The following AP3M2 variants were observed in gnomAD, a reference collection of about 807,000 sequenced individuals.
The protein encoded by AP3M2 is AP-3 complex subunit mu-2.
A neutral mutation model predicts 41.6 loss-of-function variants in AP3M2; 28 were observed. That is an observed-to-expected ratio of 0.67 (90% CI 0.50 to 0.92). The LOEUF (loss-of-function observed/expected upper bound fraction) is 0.92. Ranked by LOEUF, AP3M2 falls within the 40% of genes least tolerant of loss-of-function variation. AP3M2 has a pLI of 0.00. For missense variants in AP3M2, 427 were observed against 521.4 expected (o/e 0.82, Z 1.76); for synonymous variants, 193 against 186.4 (o/e 1.04, Z -0.29).
intron 4 of AP3M2, among the ~76,000 whole-genome samples, chr8:42,164,249 ATGG>A (rs1804581100): frequency 2.0e-5 from 3 of 152,194 alleles, no homozygotes; most frequent in African/African-American, 7.2e-5. Flanking sequence ...AGCAGGATAG[ATGG>A]TGCCATCACA....
At chr8:42,162,756 G>A (rs908453308) in intron 4 of AP3M2, among the ~76,000 whole-genome samples, 29 of 151,876 alleles carry the variant, frequency 1.9e-4, no homozygotes, top group African/African-American at 6.8e-4. Context: ...ACCAGCCTGA[G>A]CAACATAGTG....
chr8:42,166,757 A>G (rs1432830985), intron 6 of AP3M2, among the ~76,000 whole-genome samples: 1 of 151,828 alleles, frequency 6.6e-6, no homozygotes, highest in Non-Finnish European at 1.5e-5. Flanking sequence ...ACCGAGCCAG[A>G]CCCTATCTCA....
Position 42,168,989 on chromosome 8 carries a change from T to G in AP3M2, c.1185T>G (p.Tyr395Ter). Residue 395 changes from tyrosine (Y) to a stop codon, truncating the protein, a stop_gained, in exon 9 of 9, where the codon TAT (tyrosine) becomes TAG (stop). Coordinates refer to ENST00000396926, the MANE Select transcript of AP3M2 (RefSeq NM_006803.4). LOFTEE classifies it high-confidence loss of function. ...TCAAGGTGAATCGTCTGGATATGTA[T>G]GGAGAAAAGTACAAACCCTTTAAGG... The part of the protein sequence containing the change: ...SGLKVNRLDM[Y>*]GEKYKPFKGI... The G allele has an allele frequency of 6.2e-7, 1 of 1,609,588 alleles. No homozygotes were observed. Among genetic ancestry groups the G allele is most frequent in the Non-Finnish European group, 8.5e-7 (1 of 1,178,252 alleles).
At chr8:42,163,160 G>T (rs1459973320) in intron 4 of AP3M2, among the ~76,000 whole-genome samples, 1 of 151,978 alleles carries the variant, frequency 6.6e-6, no homozygotes, top group Non-Finnish European at 1.5e-5. Flanking sequence ...GATGGTATGA[G>T]CCTATAGTCC....
At chr8:42,167,952 TTTTCTGGCATG>T in intron 8 of AP3M2, 142 bp downstream of exon 8, 1 of 1,142,674 alleles carries the variant, frequency 8.8e-7, no homozygotes, top group Non-Finnish European at 1.2e-6. Context: ...TAGTAACATC[TTTTCTGGCATG>T]TTTCTGGGGA....
intron 4 of AP3M2, 130 bp from the exon 5 acceptor site, chr8:42,164,937 GGAGA>G (rs760436898): frequency 2.5e-5 from 17 of 680,374 alleles, no homozygotes; most frequent in Non-Finnish European, 4.1e-5. Context: ...GGAAAGAAAG[GGAGA>G]GAGAGGAAGG....
rs145562770 is a variant in AP3M2, at chr8:42,158,059, A to C, written c.392A>C (p.Lys131Thr). 2.5e-6 allele frequency: 4 copies of C among 1,613,926 alleles called. No individual in the cohort carries two copies. The highest frequency in any genetic ancestry group is 3.4e-6 in the Non-Finnish European group (4 of 1,179,994). ...TTGGCTACCGAGTCGAACATTCTTA[A>C]AGAACTCATAAAGCCTCCTACCATC... ...FPLATESNIL[K>T]ELIKPPTILR... is the part of the protein sequence containing the mutation. Residue 131 changes from lysine to threonine, a missense_variant, in exon 3 of 9, where the codon AAA (lysine) becomes ACA (threonine). By Grantham distance (78) the Lys-to-Thr change is moderately conservative. This residue lies in a region of AP3M2 where 86 missense variants were observed against 142.6 expected (regional missense o/e 0.60). Coordinates refer to ENST00000396926, the MANE Select transcript of AP3M2 (RefSeq NM_006803.4).
Position 42,161,939 on chromosome 8 carries a change from C to T in AP3M2, c.446-342C>T, listed in dbSNP as rs116994814. The T allele has an allele frequency of 7.8e-3, 1,304 of 167,460 alleles. 23 individuals are homozygous for T. The highest frequency in any genetic ancestry group is 0.052 in the South Asian group (274 of 5,308). 10.4% of individuals were successfully genotyped at this position (167,460 alleles called of 1,614,324 possible). A position where few individuals can be genotyped will look rare whatever the true frequency, so the allele number is the denominator to read the frequency against. On this transcript the variant is annotated intron_variant, in intron 3 of 8. Coordinates refer to ENST00000396926, the MANE Select transcript of AP3M2 (RefSeq NM_006803.4). Reference sequence around the variant, plus strand: ...GTTTTTACCCATGAAATTTTTATATCAATATGTAGATTACGAACTCTACTG... The same window carrying T: ...GTTTTTACCCATGAAATTTTTATATTAATATGTAGATTACGAACTCTACTG...
Position 42,169,203 on chromosome 8 carries a change from A to G in AP3M2, c.*142A>G. On this transcript the variant is annotated 3_prime_UTR_variant, in exon 9 of 9. Transcript: ENST00000396926. ...CCTTTTTTCCTTAGCCTTCAGTGCC[A>G]TGGAACTAATCAAGGGAGGAAAAGG... The G allele has an allele frequency of 1.7e-6, 1 of 603,490 alleles. No individual in the cohort carries two copies. The highest frequency in any genetic ancestry group is 3.1e-5 in the East Asian group (1 of 32,222). 37.4% of individuals were successfully genotyped at this position (603,490 alleles called of 1,614,324 possible).
chr8:42,165,805 A>G, intron 6 of AP3M2: 1 of 410,636 alleles, frequency 2.4e-6, no homozygotes, highest in Non-Finnish European at 4.3e-6. Context: ...AATAGTGCTT[A>G]ACACAAAGAA....
In AP3M2 at chr8:42,162,351, G is replaced by A; in HGVS notation, c.516G>A (p.Val172=). Residue 172 remains valine, a synonymous_variant, in exon 4 of 9, where the codon GTG becomes GTA. Coordinates refer to ENST00000396926, the MANE Select transcript of AP3M2 (RefSeq NM_006803.4). The part of the protein sequence containing the change: ...LSVVPWRRTG[V]KYTNNEAYFD... The stretch of plus-strand genomic sequence containing the variant: ...TGGTGCCTTGGCGACGGACTGGGGT[G>A]AAATATACCAACAATGAGGCCTATT... 6.2e-7 allele frequency: 1 copy of A among 1,613,834 alleles called. No individual in the cohort carries two copies. The highest frequency in any genetic ancestry group is 8.5e-7 in the Non-Finnish European group (1 of 1,179,852).
Position 42,167,254 on chromosome 8 carries a change from G to C in AP3M2, c.894G>C (p.Lys298Asn), listed in dbSNP as rs1163683500. The stretch of plus-strand genomic sequence containing the variant: ...GCTTTGAAATAACGGTGGGACCCAA[G>C]CAGACGATGGGGAAGACCATTGAGG... ...LGRFEITVGPKQTMGKTIEGV... is the reference protein window; with the variant it reads ...LGRFEITVGPNQTMGKTIEGV... The change falls in exon 7 of 9, where the codon AAG becomes AAC. Residue 298 changes from lysine to asparagine, a missense_variant. By Grantham distance (94) the Lys-to-Asn change is moderately conservative. This residue lies in a region of AP3M2 where 237 missense variants were observed against 284.9 expected (regional missense o/e 0.83). Coordinates refer to ENST00000396926, the MANE Select transcript of AP3M2 (RefSeq NM_006803.4). The C allele has an allele frequency of 1.2e-6, 2 of 1,614,132 alleles. No homozygotes were observed. Among genetic ancestry groups the C allele is most frequent in the South Asian group, 2.2e-5 (2 of 91,076 alleles).
chr8:42,168,933 C>A (rs746037427), intron 8 of AP3M2, 28 bp from the exon 9 acceptor site: 97 of 1,535,160 alleles, frequency 6.3e-5, no homozygotes, highest in Non-Finnish European at 8.2e-5. Flanking sequence ...ATACTCATGT[C>A]TATTTTCCCT....
Position 42,169,927 on chromosome 8 carries a change from T to A in AP3M2, c.*866T>A, listed in dbSNP as rs920479852. 2.0e-5 allele frequency: 3 copies of A among 152,234 alleles called. No individual in the cohort carries two copies. Among genetic ancestry groups the A allele is most frequent in the Admixed American group, 1.3e-4 (2 of 15,286 alleles). 9.4% of individuals were successfully genotyped at this position (152,234 alleles called of 1,614,324 possible). ...CTTTTACAGAATTCACCGGCCATTTTCCTGTTACCTGATCCTTCTACAGGA... is the reference window on the plus strand; with the variant it reads ...CTTTTACAGAATTCACCGGCCATTTACCTGTTACCTGATCCTTCTACAGGA... On this transcript the variant is annotated 3_prime_UTR_variant, in exon 9 of 9. Transcript: ENST00000396926.
intron 3 of AP3M2, 123 bp from the exon 4 acceptor site, chr8:42,162,155 ATCT>A (rs1259767038): frequency 2.6e-5 from 25 of 950,190 alleles, no homozygotes; most frequent in Non-Finnish European, 3.6e-5. Flanking sequence ...GAAAAACCTC[ATCT>A]TCTGTTTGAA....
rs200841873 is a variant in AP3M2, at chr8:42,162,413, A to C, written c.578A>C (p.Lys193Thr). 2 of 1,604,832 alleles carry C rather than the reference A, an allele frequency of 1.2e-6. No homozygotes were observed. Among genetic ancestry groups the C allele is most frequent in the East Asian group, 4.5e-5 (2 of 44,522 alleles). Residue 193 changes from lysine (K) to threonine (T), a missense_variant, in exon 4 of 9, where the codon AAA becomes ACA. Physicochemically the swap from Lys to Thr is moderately conservative, Grantham distance 78. Transcript: ENST00000396926. ...GAAGAGATTGATGCAATTATTGATA[A>C]ATCAGGTAGGTGCTTTTAATATGTT... ...VIEEIDAIIDKSGSTITAEIQ... is the reference protein window; with the variant it reads ...VIEEIDAIIDTSGSTITAEIQ...
At position 42,169,080 on chromosome 8, in the gene AP3M2, G is replaced by C. The variant is rs373083352; in HGVS notation, c.*19G>C. 270 of 1,563,752 alleles carry C rather than the reference G, an allele frequency of 1.7e-4. No homozygotes were observed. Among genetic ancestry groups the C allele is most frequent in the Non-Finnish European group, 2.2e-4 (249 of 1,143,650 alleles). ...AACCTGAAGGGAGCATTTGCTGAGG[G>C]AATAGTCTTGCACATTTTTTCATTT... On this transcript the variant is annotated 3_prime_UTR_variant, in exon 9 of 9. Transcript: ENST00000396926.
rs1804729486 is a variant in AP3M2, at chr8:42,169,262, GC to G, written c.*202del. 1.5e-5 allele frequency: 7 copies of G among 457,392 alleles called. No homozygotes were observed. In the South Asian group the frequency reaches 2.3e-4, roughly 15 times the overall value. The allele number at this position is 457,392 out of a possible 1,614,324, so 28.3% of individuals were successfully genotyped here. A position where few individuals can be genotyped will look rare whatever the true frequency, so the allele number is the denominator to read the frequency against. ...GAGAACTGGACAGAACTGAAACACA[GC>G]AACACCAGTTCTCAAGGACAAGGTG... On this transcript the variant is annotated 3_prime_UTR_variant, in exon 9 of 9. Transcript: ENST00000396926.
At chr8:42,155,002 T>C in intron 2 of AP3M2, 42 bp downstream of exon 2, 1 of 1,544,222 alleles carries the variant, frequency 6.5e-7, no homozygotes, top group South Asian at 1.1e-5. Context: ...AACCGTAAAG[T>C]GTCTTTGTAG....
Sources: gnomAD v4.1 joint callset for allele counts (sites outside exome capture counted in the v4.1 genomes callset) on GRCh38, gnomAD v4.1.1 for gene constraint, gnomAD v4.1.1 regional missense constraint, MANE v1.5 for transcripts, NCBI Gene and HGNC (gene_info 2026-07-23, HGNC 2026-07-21) for gene names.